Variants in CLVS1 observed in about 807,000 individuals in gnomAD.
CLVS1 encodes clavesin 1, also known as clavesin-1.
Under a neutral mutation model 33.1 loss-of-function variants are expected in CLVS1, and 10 were observed. The observed-to-expected ratio is 0.30, with a 90% CI of 0.19 to 0.51. The LOEUF is 0.51. Among genes scored for constraint, CLVS1 ranks in the 20% least tolerant of loss-of-function variants. The pLI, the probability that CLVS1 is intolerant of heterozygous loss-of-function variation, is 0.97. For synonymous variants in CLVS1, 163 were observed against 166.1 expected, an observed-to-expected ratio of 0.98 and a Z score of 0.14; for missense variants, 343 against 433.4, an observed-to-expected ratio of 0.79 and a Z score of 1.85.
At chr8:61,003,659 T>C in the CLVS1 span, among the ~76,000 whole-genome samples, 1 of 152,226 alleles carries the variant, frequency 6.6e-6, no homozygotes, top group Admixed American at 6.5e-5. Context: ...GAGAGATTGT[T>C]ACCTGTCATT....
intron 2 of CLVS1, among the ~76,000 whole-genome samples, chr8:61,179,996 G>A (rs1448966876): frequency 6.6e-6 from 1 of 152,078 alleles, no homozygotes; most frequent in Non-Finnish European, 1.5e-5. Context: ...GATCAAAGCA[G>A]TCCTGAAGGA....
At chr8:61,223,103 C>A (rs541495359) in intron 2 of CLVS1, among the ~76,000 whole-genome samples, 2 of 152,172 alleles carry the variant, frequency 1.3e-5, no homozygotes, top group East Asian at 3.9e-4. Flanking sequence ...CTGAATACAG[C>A]ACACTGATAG....
intron 2 of CLVS1, among the ~76,000 whole-genome samples, chr8:61,314,216 A>C (rs187486644): frequency 6.6e-6 from 1 of 152,146 alleles, no homozygotes; most frequent in African/African-American, 2.4e-5. Flanking sequence ...GGTCGTGTAG[A>C]TTCTGGTGAA....
chr8:61,494,535 G>A (rs550182501), intron 5 of CLVS1, among the ~76,000 whole-genome samples: 10 of 152,238 alleles, frequency 6.6e-5, no homozygotes, highest in Admixed American at 1.3e-4. Context: ...CAAAGCCACC[G>A]AATGAAGAGA....
At chr8:61,183,152 C>CCGG (rs1554543136) in intron 2 of CLVS1, among the ~76,000 whole-genome samples, 2 of 72,890 alleles carry the variant, frequency 2.7e-5, no homozygotes, top group Admixed American at 1.4e-4. Flanking sequence ...GTGGGCAGGG[C>CCGG]GGAGGGGGGC....
At chr8:61,394,339 T>C (rs1333175432) in intron 3 of CLVS1, among the ~76,000 whole-genome samples, 1 of 152,172 alleles carries the variant, frequency 6.6e-6, no homozygotes, top group Non-Finnish European at 1.5e-5. Flanking sequence ...GCTTGCCTTA[T>C]GTTGGCCAGG....
At chr8:61,144,673 A>G (rs1029894640) in intron 2 of CLVS1, among the ~76,000 whole-genome samples, 4 of 152,192 alleles carry the variant, frequency 2.6e-5, no homozygotes, top group Non-Finnish European at 5.9e-5. Flanking sequence ...ACTCCCACCA[A>G]CAGTGTAAAA....
chr8:60,971,839 C>A, the CLVS1 span, among the ~76,000 whole-genome samples: 1 of 152,104 alleles, frequency 6.6e-6, no homozygotes, highest in East Asian at 1.9e-4. Context: ...GTATACATCA[C>A]CCCCACCCCC....
the CLVS1 span, among the ~76,000 whole-genome samples, chr8:61,030,025 C>A: frequency 6.6e-6 from 1 of 152,158 alleles, no homozygotes; most frequent in African/African-American, 2.4e-5. Flanking sequence ...CCACTGGAGG[C>A]CTCCGTGAAG....
chr8:61,443,101 T>C (rs988322948), intron 3 of CLVS1, among the ~76,000 whole-genome samples: 7 of 152,232 alleles, frequency 4.6e-5, no homozygotes, highest in Non-Finnish European at 8.8e-5. Flanking sequence ...AATACTGTTA[T>C]ATTTGAGAGC....
At chr8:61,097,358 A>G (rs1326199337) in intron 1 of CLVS1, among the ~76,000 whole-genome samples, 1 of 152,136 alleles carries the variant, frequency 6.6e-6, no homozygotes, top group Non-Finnish European at 1.5e-5. Flanking sequence ...ATAAAAACTC[A>G]GTGTATATGG....
chr8:61,445,432 A>G (rs144205728), intron 3 of CLVS1, among the ~76,000 whole-genome samples: 36 of 152,140 alleles, frequency 2.4e-4, no homozygotes, highest in African/African-American at 7.2e-4. Context: ...TGATTCTTAT[A>G]AAGAGCCTAG....
upstream of CLVS1, among the ~76,000 whole-genome samples, chr8:61,285,305 T>C (rs1315632855): frequency 6.6e-6 from 1 of 152,214 alleles, no homozygotes; most frequent in East Asian, 1.9e-4. Context: ...CTTTTTAATG[T>C]CATTGCAAAG....
In CLVS1 at chr8:61,366,498, A is replaced by T. The variant is rs554421167; in HGVS notation, c.456-10107A>T. Among the ~76,000 whole-genome samples the T allele has an allele frequency of 5.3e-5, 8 of 152,366 alleles. No homozygotes were observed. The South Asian group carries it at 1.7e-3, about 32-fold the overall frequency. On this transcript the variant is annotated intron_variant, in intron 2 of 5. Transcript: ENST00000325897. Reference sequence around the variant, plus strand: ...CAGTAATACATTGTTCTCTATAAGCATGAGTCATAATAGAAAATACTTAAG... The same window carrying T: ...CAGTAATACATTGTTCTCTATAAGCTTGAGTCATAATAGAAAATACTTAAG...
At chr8:61,016,539 C>T in the CLVS1 span, among the ~76,000 whole-genome samples, 3 of 152,234 alleles carry the variant, frequency 2.0e-5, no homozygotes, top group Non-Finnish European at 4.4e-5. Flanking sequence ...AGGGACTTTA[C>T]TCTGATGTCT....
intron 2 of CLVS1, among the ~76,000 whole-genome samples, chr8:61,255,488 G>T (rs1313254755): frequency 1.3e-5 from 2 of 152,212 alleles, no homozygotes; most frequent in Non-Finnish European, 2.9e-5. Flanking sequence ...TTGTCTGTAT[G>T]TGTGTGTGGA....
At chr8:61,498,230 C>G (rs1465394502) in intron 5 of CLVS1, among the ~76,000 whole-genome samples, 2 of 152,116 alleles carry the variant, frequency 1.3e-5, no homozygotes, top group Non-Finnish European at 2.9e-5. Flanking sequence ...CCCAGACATA[C>G]AAAACCAAGC....
intron 1 of CLVS1, among the ~76,000 whole-genome samples, chr8:61,130,929 C>A (rs903499369): frequency 6.6e-6 from 1 of 152,216 alleles, no homozygotes; most frequent in Non-Finnish European, 1.5e-5. Context: ...ATAAAAATAT[C>A]ACTAATCATT....
chr8:61,154,654 C>G lies in CLVS1; in HGVS notation c.-152+22794C>G, dbSNP rs148877078. Among the ~76,000 whole-genome samples, 7 of 152,286 alleles carry G rather than the reference C, an allele frequency of 4.6e-5. No homozygotes were observed. The East Asian group carries it at 1.2e-3, about 25-fold the overall frequency. The stretch of plus-strand genomic sequence containing the variant: ...GATTAATTAGCTCTGTAGCCATGGG[C>G]AAGTTATTGAATGTGGACACTGAGC... On this transcript the variant is annotated intron_variant, in intron 2 of 2. Coordinates refer to the CLVS1 transcript ENST00000522621.
Sources: gnomAD v4.1 joint callset for allele counts (sites outside exome capture counted in the v4.1 genomes callset) on GRCh38, gnomAD v4.1.1 for gene constraint, MANE v1.5 for transcripts, NCBI Gene and HGNC (gene_info 2026-07-23, HGNC 2026-07-21) for gene names.